HEMK2: variants seen among roughly 807,000 people sequenced by gnomAD.
HEMK2 encodes the protein HemK methyltransferase 2, ETF1 glutamine and histone H4 lysine, also known as methyltransferase HEMK2.
At chr21:28,809,970 C>T in the HEMK2 span, among the ~76,000 whole-genome samples, 11 of 152,118 alleles carry the variant, frequency 7.2e-5, no homozygotes, top group Admixed American at 2.0e-4. Flanking sequence ...CCTTACTCTG[C>T]TATATAATGT....
the HEMK2 span, among the ~76,000 whole-genome samples, chr21:28,867,038 G>A: frequency 0.84 from 127,501 of 152,040 alleles, 53,905 homozygotes; most frequent in South Asian, 0.93. Flanking sequence ...AAGATATGGC[G>A]CTACAGAAAC....
chr21:28,704,862 G>A, the HEMK2 span, among the ~76,000 whole-genome samples: 479 of 152,224 alleles, frequency 3.1e-3, 6 homozygotes, highest in African/African-American at 0.011. Flanking sequence ...ATTTGTCCTG[G>A]TCCCTGTACC....
the HEMK2 span, among the ~76,000 whole-genome samples, chr21:28,856,046 C>A: frequency 0.43 from 65,298 of 152,028 alleles, 15,879 homozygotes; most frequent in East Asian, 0.8. Flanking sequence ...AAAATGTATT[C>A]AGAATTATTC....
the HEMK2 span, among the ~76,000 whole-genome samples, chr21:28,623,655 TA>T: frequency 3.3e-5 from 5 of 152,034 alleles, no homozygotes; most frequent in African/African-American, 1.2e-4. Flanking sequence ...TATGTAGCCA[TA>T]AAAAAGGATG....
the HEMK2 span, among the ~76,000 whole-genome samples, chr21:28,615,282 T>C: frequency 6.6e-6 from 1 of 151,998 alleles, no homozygotes; most frequent in African/African-American, 2.4e-5. Context: ...TTCGGGGTTT[T>C]ACTAGGGTCG....
chr21:28,790,707 T>G, the HEMK2 span, among the ~76,000 whole-genome samples: 3 of 152,022 alleles, frequency 2.0e-5, no homozygotes, highest in Non-Finnish European at 4.4e-5. Context: ...AATTCTGGAT[T>G]CATTGAGAAC....
the HEMK2 span, among the ~76,000 whole-genome samples, chr21:28,704,410 G>C: frequency 5.9e-5 from 9 of 152,064 alleles, no homozygotes; most frequent in African/African-American, 2.2e-4. Flanking sequence ...CTTTTTTTAC[G>C]TCCTGGTAGA....
chr21:28,754,996 G>A, the HEMK2 span, among the ~76,000 whole-genome samples: 1 of 152,160 alleles, frequency 6.6e-6, no homozygotes, highest in Non-Finnish European at 1.5e-5. Flanking sequence ...TGAGGGTTGT[G>A]GCATTTTGAT....
chr21:28,621,835 C>A, the HEMK2 span, among the ~76,000 whole-genome samples: 2 of 152,248 alleles, frequency 1.3e-5, no homozygotes, highest in South Asian at 2.1e-4. Context: ...TTGCTTCAGG[C>A]CATCTGGATG....
At chr21:28,864,820 C>CAGACAGATAGATAGATAGAT in the HEMK2 span, among the ~76,000 whole-genome samples, 2 of 119,206 alleles carry the variant, frequency 1.7e-5, no homozygotes, top group African/African-American at 3.0e-5. Context: ...GACAGACAGA[C>CAGACAGATAGATAGATAGAT]AGATAGATAG....
chr21:28,693,723 T>C, the HEMK2 span, among the ~76,000 whole-genome samples: 1 of 152,234 alleles, frequency 6.6e-6, no homozygotes, highest in African/African-American at 2.4e-5. Context: ...GCCCTCATCA[T>C]TTCAGCTGGT....
the HEMK2 span, among the ~76,000 whole-genome samples, chr21:28,587,328 A>G: frequency 6.6e-6 from 1 of 152,190 alleles, no homozygotes; most frequent in East Asian, 1.9e-4. Context: ...ATTTTTTATT[A>G]TCTTACTCTA....
chr21:28,813,628 G>A, the HEMK2 span, among the ~76,000 whole-genome samples: 3 of 152,138 alleles, frequency 2.0e-5, no homozygotes, highest in Non-Finnish European at 1.5e-5. Flanking sequence ...CAAGATAATC[G>A]TAAGCAAAAG....
the HEMK2 span, among the ~76,000 whole-genome samples, chr21:28,694,482 G>A: frequency 2.6e-5 from 4 of 152,154 alleles, no homozygotes; most frequent in Admixed American, 1.3e-4. Flanking sequence ...ATTTATGGTT[G>A]AAGTTCTAAG....
chr21:28,695,716 C>T, the HEMK2 span, among the ~76,000 whole-genome samples: 1 of 151,498 alleles, frequency 6.6e-6, no homozygotes, highest in African/African-American at 2.4e-5. Flanking sequence ...CTGCCCCCGC[C>T]CCCTCCCAAA....
the HEMK2 span, among the ~76,000 whole-genome samples, chr21:28,588,840 G>T: frequency 6.6e-6 from 1 of 151,880 alleles, no homozygotes; most frequent in East Asian, 1.9e-4. Context: ...AAAATTAGCC[G>T]GGCGTTGTGG....
chr21:28,600,653 A>C, the HEMK2 span, among the ~76,000 whole-genome samples: 1 of 152,228 alleles, frequency 6.6e-6, no homozygotes, highest in African/African-American at 2.4e-5. Flanking sequence ...ATTTCTCCTC[A>C]GAAAATGGGT....
the HEMK2 span, among the ~76,000 whole-genome samples, chr21:28,852,973 G>A: frequency 2.5e-4 from 38 of 152,216 alleles, no homozygotes; most frequent in South Asian, 6.4e-3. Flanking sequence ...CTGCCACCTC[G>A]GGATCTAATT....
chr21:28,824,652 A>C, the HEMK2 span, among the ~76,000 whole-genome samples: 1 of 152,278 alleles, frequency 6.6e-6, no homozygotes, highest in East Asian at 1.9e-4. Flanking sequence ...GAAATAAAAA[A>C]AGAGAGAGAG....
Sources: gnomAD v4.1 joint callset for allele counts (sites outside exome capture counted in the v4.1 genomes callset) on GRCh38, gnomAD v4.1.1 for gene constraint, MANE v1.5 for transcripts, NCBI Gene and HGNC (gene_info 2026-07-23, HGNC 2026-07-21) for gene names.